Variants in HEMK1 observed in about 807,000 individuals in gnomAD.
HEMK1 encodes MTRF1L release factor glutamine methyltransferase.
HEMK1 carries 36 observed loss-of-function variants against 47.9 expected under a neutral mutation model. The observed-to-expected ratio is 0.75, with a 90% CI of 0.58 to 0.99. HEMK1 has a LOEUF of 0.99. HEMK1 is among the 50% of genes least tolerant of loss of function. The pLI is 0.00. For missense variants in HEMK1, 383 were observed against 434.5 expected (o/e 0.88, Z 1.05); for synonymous variants, 153 against 165.4 (o/e 0.93, Z 0.57).
chr3:50,594,112 CTG>C lies in HEMK1; in HGVS notation c.*13697_*13698del, dbSNP rs2107548611. 6.6e-6 allele frequency: 1 copy of C among 152,280 alleles called. No individual in the cohort carries two copies. Among genetic ancestry groups the C allele is most frequent in the South Asian group, 2.1e-4 (1 of 4,816 alleles). The allele number at this position is 152,280 out of a possible 1,614,324, so 9.4% of individuals were successfully genotyped here. A position where few individuals can be genotyped will look rare whatever the true frequency, so the allele number is the denominator to read the frequency against. On this transcript the variant is annotated 3_prime_UTR_variant, in exon 11 of 11. Coordinates refer to ENST00000232854, the MANE Select transcript of HEMK1 (RefSeq NM_016173.5). Reference sequence around the variant, plus strand: ...AGACCTTCAATACAATATTGAAAAACTGTAACGACTAGAGCATTTGTATATTG... The same window carrying C: ...AGACCTTCAATACAATATTGAAAAACTAACGACTAGAGCATTTGTATATTG...
chr3:50,573,750 G>T (rs1701274106), intron 4 of HEMK1, among the ~76,000 whole-genome samples: 2 of 152,244 alleles, frequency 1.3e-5, no homozygotes, highest in Admixed American at 6.5e-5. Flanking sequence ...AGTGAGAATG[G>T]GTGCAGGGGA....
Position 50,582,922 on chromosome 3 carries a change from C to G in HEMK1, c.*2505C>G, listed in dbSNP as rs1479622794. The G allele has an allele frequency of 6.6e-6, 1 of 152,406 alleles. No individual in the cohort carries two copies. The highest frequency in any genetic ancestry group is 1.5e-5 in the Non-Finnish European group (1 of 68,182). The allele number at this position is 152,406 out of a possible 1,614,324, so 9.4% of individuals were successfully genotyped here. On this transcript the variant is annotated 3_prime_UTR_variant, in exon 11 of 11. Transcript: ENST00000232854. ...GAAAGCCAGGCCCACCTGCCCTATC[C>G]CCTCCCTTGCTCCTGAGGCCAAAGC...
chr3:50,579,939 G>T lies in HEMK1; in HGVS notation c.866G>T (p.Gly289Val), dbSNP rs1016585682. The T allele has an allele frequency of 6.2e-7, 1 of 1,611,608 alleles. No individual in the cohort carries two copies. Among genetic ancestry groups the T allele is most frequent in the Admixed American group, 1.7e-5 (1 of 59,960 alleles). ...ALAPRLLKDS[G>V]SIFLEVDPRH... ...GCACCCCGGCTCCTGAAAGACTCTG[G>T]GTATGAATGGGATGGGTCTCCTAGG... Residue 289 changes from glycine (G) to valine (V), a missense_variant and splice_region_variant, in exon 9 of 11, where the codon GGT (glycine) becomes GTT (valine). Physicochemically the swap from Gly to Val is moderately radical, Grantham distance 109. Transcript: ENST00000232854.
At chr3:50,578,023 C>T (rs1470153901) in intron 7 of HEMK1, 148 bp downstream of exon 7, 16 of 768,956 alleles carry the variant, frequency 2.1e-5, no homozygotes, top group South Asian at 3.0e-5. Context: ...TGTGTGTGCA[C>T]GTTTGTGGCA....
Position 50,578,823 on chromosome 3 carries a change from A to G in HEMK1, c.667A>G (p.Arg223Gly), listed in dbSNP as rs2030238379. The G allele has an allele frequency of 3.7e-6, 6 of 1,610,352 alleles. No individual in the cohort carries two copies. The highest frequency in any genetic ancestry group is 5.1e-6 in the Non-Finnish European group (6 of 1,177,472). Residue 223 changes from arginine to glycine, a missense_variant and splice_region_variant, in exon 8 of 11, where the codon AGG (arginine) becomes GGG (glycine). Arg to Gly is a moderately radical substitution (Grantham distance 125). Coordinates refer to ENST00000232854, the MANE Select transcript of HEMK1 (RefSeq NM_016173.5). ...WIIHLDMTSERSWTHLPWGPM... is the reference protein window; with the variant it reads ...WIIHLDMTSEGSWTHLPWGPM... ...TGTGTCCTCTTCTTTGACGACAGAA[A>G]GGAGCTGGACACACCTGCCCTGGGG... is the stretch of plus-strand genomic sequence containing the variant.
rs981052249 is a variant in HEMK1, at chr3:50,587,468, C to T, written c.*7051C>T. 4.6e-5 allele frequency: 7 copies of T among 152,258 alleles called. No homozygotes were observed. Among genetic ancestry groups the T allele is most frequent in the African/African-American group, 1.4e-4 (6 of 41,442 alleles). 9.4% of individuals were successfully genotyped at this position (152,258 alleles called of 1,614,324 possible). On this transcript the variant is annotated 3_prime_UTR_variant, in exon 11 of 11. Coordinates refer to ENST00000232854, the MANE Select transcript of HEMK1 (RefSeq NM_016173.5). This position sits in a 1 kb window ranked among gnomAD's most constrained non-coding sequence, Gnocchi z 4.2. ...CAGAGATGGAGGCTGTGAACCCTCT[C>T]GTTATACTGACGAAGAAACAAACTG...
intron 4 of HEMK1, 81 bp from the exon 5 acceptor site, chr3:50,576,971 G>A: frequency 6.5e-7 from 1 of 1,542,060 alleles, no homozygotes; most frequent in Non-Finnish European, 8.8e-7. Context: ...CGTTCACAAG[G>A]GTAACTGCTT....
intron 1 of HEMK1, 111 bp downstream of exon 1, chr3:50,569,685 G>C (rs890425786): frequency 6.6e-6 from 1 of 152,366 alleles, no homozygotes; most frequent in Non-Finnish European, 1.5e-5. Flanking sequence ...TGGAGAGAGG[G>C]GGCCTCATCT....
intron 8 of HEMK1, 28 bp from the exon 9 acceptor site, chr3:50,579,816 T>C: frequency 6.4e-7 from 1 of 1,553,034 alleles, no homozygotes; most frequent in Non-Finnish European, 8.9e-7. Context: ...TTTCTCAGGC[T>C]GTCACCTCCC....
At position 50,577,814 on chromosome 3, in the gene HEMK1, C is replaced by T. The variant is rs756442582; in HGVS notation, c.615-12C>T. 7 of 1,613,948 alleles carry T rather than the reference C, an allele frequency of 4.3e-6. No homozygotes were observed. Among genetic ancestry groups the T allele is most frequent in the Non-Finnish European group, 5.9e-6 (7 of 1,179,942 alleles). Reference sequence around the variant, plus strand: ...TGCCCCCGTGCCTACCCCTTTCTCCCTGTCTGTGTAGGCTTCGGTTGCAGG... The same window carrying T: ...TGCCCCCGTGCCTACCCCTTTCTCCTTGTCTGTGTAGGCTTCGGTTGCAGG... On this transcript the variant is annotated splice_polypyrimidine_tract_variant and intron_variant, in intron 6 of 10. Coordinates refer to ENST00000232854, the MANE Select transcript of HEMK1 (RefSeq NM_016173.5).
rs964886296 is a variant in HEMK1, at chr3:50,595,731, A to G, written c.*15314A>G. The G allele has an allele frequency of 5.3e-5, 8 of 152,180 alleles. No individual in the cohort carries two copies. The highest frequency in any genetic ancestry group is 1.9e-4 in the African/African-American group (8 of 41,430). 9.4% of individuals were successfully genotyped at this position (152,180 alleles called of 1,614,324 possible). A position where few individuals can be genotyped will look rare whatever the true frequency, so the allele number is the denominator to read the frequency against. ...CTTGGCATTACTTCCCAAATAATCT[A>G]TTTGCATTTGGATGCTTGTCTCAGA... On this transcript the variant is annotated 3_prime_UTR_variant, in exon 11 of 11. Transcript: ENST00000232854.
chr3:50,574,760 C>A (rs951388407), intron 4 of HEMK1, among the ~76,000 whole-genome samples: 1 of 152,202 alleles, frequency 6.6e-6, no homozygotes, highest in African/African-American at 2.4e-5. Context: ...TAGTGCCTGG[C>A]ACAGGGCTGG....
At position 50,586,290 on chromosome 3, in the gene HEMK1, C is replaced by G. The variant is rs918364784; in HGVS notation, c.*5873C>G. On this transcript the variant is annotated 3_prime_UTR_variant, in exon 11 of 11. Transcript: ENST00000232854. ...TTCCAAAGACTACCTCTCACACATA[C>G]AGCAGTCCTGCAGGAAAATGGTCAG... 3 of 152,258 alleles carry G rather than the reference C, an allele frequency of 2.0e-5. No homozygotes were observed. The highest frequency in any genetic ancestry group is 4.4e-5 in the Non-Finnish European group (3 of 68,050). 9.4% of individuals were successfully genotyped at this position (152,258 alleles called of 1,614,324 possible).
In HEMK1 at chr3:50,594,943, A is replaced by G. The variant is rs988600561; in HGVS notation, c.*14526A>G. On this transcript the variant is annotated 3_prime_UTR_variant, in exon 11 of 11. Coordinates refer to ENST00000232854, the MANE Select transcript of HEMK1 (RefSeq NM_016173.5). Reference sequence around the variant, plus strand: ...TGAGACAGAGTCTCATTCTGTTGCCAGGCTGGAGTGCAGTGGCGTGATCTT... The same window carrying G: ...TGAGACAGAGTCTCATTCTGTTGCCGGGCTGGAGTGCAGTGGCGTGATCTT... 6.7e-6 allele frequency: 1 copy of G among 148,324 alleles called. No homozygotes were observed. The highest frequency in any genetic ancestry group is 2.0e-4 in the East Asian group (1 of 5,086). The allele number at this position is 148,324 out of a possible 1,614,324, so 9.2% of individuals were successfully genotyped here. A position where few individuals can be genotyped will look rare whatever the true frequency, so the allele number is the denominator to read the frequency against.
At chr3:50,575,355 G>A (rs1323828448) in intron 4 of HEMK1, among the ~76,000 whole-genome samples, 4 of 152,084 alleles carry the variant, frequency 2.6e-5, no homozygotes, top group African/African-American at 7.2e-5. Flanking sequence ...CTTGGGAGGC[G>A]GAGGTTGCGG....
At position 50,594,904 on chromosome 3, in the gene HEMK1, T is replaced by C. The variant is rs1264350694; in HGVS notation, c.*14487T>C. On this transcript the variant is annotated 3_prime_UTR_variant, in exon 11 of 11. Transcript: ENST00000232854. ...TGAAGGCTGAGATTTTATCCGACTT[T>C]CTTTTTTTTTTTTTGAGACAGAGTC... 5.8e-4 allele frequency: 36 copies of C among 62,086 alleles called. 1 individual carries two copies. Among genetic ancestry groups the C allele is most frequent in the Admixed American group, 4.2e-3 (36 of 8,500 alleles). The allele number at this position is 62,086 out of a possible 1,614,324, so 3.8% of individuals were successfully genotyped here. A position where few individuals can be genotyped will look rare whatever the true frequency, so the allele number is the denominator to read the frequency against.
In HEMK1 at chr3:50,580,405, G is replaced by A; in HGVS notation, c.1005G>A (p.Arg335=). The stretch of plus-strand genomic sequence containing the variant: ...GGCCCCGGTTCCTGCATATCCGGAG[G>A]TCTGGGCCATAGCATGGCTGCCCTG... ...CGRPRFLHIR[R]SGP The change falls in exon 11 of 11, where the codon AGG becomes AGA. Residue 335 remains arginine, a synonymous_variant. Transcript: ENST00000232854. The A allele has an allele frequency of 6.2e-7, 1 of 1,614,144 alleles. No individual in the cohort carries two copies. Among genetic ancestry groups the A allele is most frequent in the Non-Finnish European group, 8.5e-7 (1 of 1,180,022 alleles).
In HEMK1 at chr3:50,577,540, C is replaced by T. The variant is rs748410896; in HGVS notation, c.581C>T (p.Ala194Val). 1.2e-6 allele frequency: 2 copies of T among 1,614,138 alleles called. No homozygotes were observed. The highest frequency in any genetic ancestry group is 2.2e-5 in the East Asian group (1 of 44,886). The change falls in exon 6 of 11, where the codon GCT becomes GTT. Residue 194 changes from alanine to valine, a missense_variant. Ala to Val is a moderately conservative substitution (Grantham distance 64). Transcript: ENST00000232854. ...SRVIAVDKRE[A>V]AISLTHENAQ... ...GTCATTGCTGTGGATAAGCGGGAAG[C>T]TGCTATCTCTCTGACCCATGAGAAT...
At position 50,588,675 on chromosome 3, in the gene HEMK1, C is replaced by G. The variant is rs1209697520; in HGVS notation, c.*8258C>G. Reference sequence around the variant, plus strand: ...ACTGAACCCAGACTCTGATGTACTCCGGATATGGGTGGCGTGGACTGACAG... The same window carrying G: ...ACTGAACCCAGACTCTGATGTACTCGGGATATGGGTGGCGTGGACTGACAG... On this transcript the variant is annotated 3_prime_UTR_variant, in exon 11 of 11. Coordinates refer to ENST00000232854, the MANE Select transcript of HEMK1 (RefSeq NM_016173.5). 1.3e-5 allele frequency: 2 copies of G among 152,236 alleles called. No homozygotes were observed. The highest frequency in any genetic ancestry group is 2.9e-5 in the Non-Finnish European group (2 of 68,078). The allele number at this position is 152,236 out of a possible 1,614,324, so 9.4% of individuals were successfully genotyped here.
Sources: allele counts gnomAD v4.1 joint callset (sites outside exome capture counted in the v4.1 genomes callset), GRCh38; gene constraint gnomAD v4.1.1; non-coding constraint Gnocchi (gnomAD v3.1); transcripts MANE v1.5; gene names NCBI Gene and HGNC (gene_info 2026-07-23, HGNC 2026-07-21).